The following BTAF1 variants were observed in gnomAD, a reference collection of about 807,000 sequenced individuals.
BTAF1 encodes TATA-binding protein-associated factor 172.
Under a neutral mutation model 227.1 loss-of-function variants are expected in BTAF1, and 38 were observed. That is an observed-to-expected ratio of 0.17 (90% CI 0.13 to 0.22). The LOEUF is 0.22. Ranked by LOEUF, BTAF1 falls within the 10% of genes least tolerant of loss-of-function variation. The pLI, the probability that BTAF1 is intolerant of heterozygous loss-of-function variation, is 1.00. For synonymous variants in BTAF1, 742 were observed against 751.9 expected (o/e 0.99, Z 0.21); for missense variants, 1,598 against 2,204.0 (o/e 0.73, Z 5.51).
At chr10:92,026,814 A>T in intron 36 of BTAF1, 63 bp downstream of exon 36, 1 of 1,519,734 alleles carries the variant, frequency 6.6e-7, no homozygotes, top group East Asian at 2.3e-5. Context: ...CCCCAGAAAG[A>T]TAGGAAACCT....
intron 25 of BTAF1, among the ~76,000 whole-genome samples, chr10:92,000,403 G>A (rs1212500024): frequency 6.6e-6 from 1 of 152,200 alleles, no homozygotes; most frequent in East Asian, 1.9e-4. Context: ...TCTAACAGCT[G>A]AAAGTAGTAT....
chr10:91,936,720 G>A (rs1844638901), intron 2 of BTAF1, among the ~76,000 whole-genome samples: 1 of 152,218 alleles, frequency 6.6e-6, no homozygotes. Context: ...CAGTATTCGT[G>A]TGTAAGTTGG....
chr10:91,977,323 A>G (rs1026063874), intron 14 of BTAF1, among the ~76,000 whole-genome samples: 6 of 152,172 alleles, frequency 3.9e-5, no homozygotes, highest in African/African-American at 1.4e-4. Context: ...AGAATGTCAT[A>G]TAGTTGGAAT....
intron 12 of BTAF1, among the ~76,000 whole-genome samples, chr10:91,963,776 C>T (rs1215693743): frequency 6.6e-6 from 1 of 152,110 alleles, no homozygotes; most frequent in Admixed American, 6.5e-5. Flanking sequence ...CTGTTGTTTT[C>T]ACTGTTAAGT....
chr10:91,995,295 AG>A (rs1341442601), intron 23 of BTAF1, among the ~76,000 whole-genome samples: 3 of 152,124 alleles, frequency 2.0e-5, no homozygotes, highest in African/African-American at 7.2e-5. Flanking sequence ...AATCTATGAG[AG>A]GGTGGAGAAG....
rs12569736 is a variant in BTAF1, at chr10:91,942,216, T to A, written c.254-206T>A. 0.3 allele frequency among the ~76,000 whole-genome samples: 45,852 copies of A among 151,704 alleles called. 8,521 individuals are homozygous for A. Among genetic ancestry groups the A allele is most frequent in the South Asian group, 0.52 (2,486 of 4,806 alleles). ...GAAGAAGTCCTTGATCCCAGGAGTT[T>A]GAGGATACAGTGAGCTGTGATTATG... On this transcript the variant is annotated intron_variant, in intron 3 of 37. Coordinates refer to ENST00000265990, the MANE Select transcript of BTAF1 (RefSeq NM_003972.3).
chr10:91,946,480 CTG>C (rs780667176), intron 4 of BTAF1, among the ~76,000 whole-genome samples: 5 of 152,194 alleles, frequency 3.3e-5, no homozygotes, highest in Non-Finnish European at 7.3e-5. Context: ...CATATGGTAA[CTG>C]TATTTTACCA....
intron 14 of BTAF1, among the ~76,000 whole-genome samples, chr10:91,979,399 C>A (rs1487235484): frequency 1.3e-5 from 2 of 152,012 alleles, no homozygotes; most frequent in African/African-American, 2.4e-5. Flanking sequence ...GTCATGTGGC[C>A]CTTTTAAAAC....
Position 91,960,149 on chromosome 10 carries a change from C to G in BTAF1, c.1258C>G (p.Arg420Gly). 6.2e-7 allele frequency: 1 copy of G among 1,610,796 alleles called. No homozygotes were observed. Among genetic ancestry groups the G allele is most frequent in the Non-Finnish European group, 8.5e-7 (1 of 1,178,612 alleles). ...LLGIKYALAV[R>G]QDVINTLLPK... ...GGGAATAAAATATGCTTTGGCAGTC[C>G]GTCAGGTAAATATTTCAAGTTTTGA... The change falls in exon 11 of 38, where the codon CGT (arginine) becomes GGT (glycine). Residue 420 changes from arginine (R) to glycine (G), a missense_variant. Physicochemically the swap from Arg to Gly is moderately radical, Grantham distance 125. Transcript: ENST00000265990.
chr10:91,980,537 A>G lies in BTAF1; in HGVS notation c.1734A>G (p.Glu578=), dbSNP rs1847988155. The change falls in exon 15 of 38, where the codon GAA becomes GAG. Residue 578 remains glutamate, a synonymous_variant. Coordinates refer to ENST00000265990, the MANE Select transcript of BTAF1 (RefSeq NM_003972.3). ...FQFCVLESSQ[E]ILDLIHKVWM... ...TCTGTGTTTTGGAAAGCAGCCAGGA[A>G]ATTCTGGACCTTATTCACAAGGTAC... 1.2e-6 allele frequency: 2 copies of G among 1,611,856 alleles called. No individual in the cohort carries two copies. Among genetic ancestry groups the G allele is most frequent in the African/African-American group, 2.7e-5 (2 of 74,842 alleles).
chr10:92,011,436 T>A, intron 30 of BTAF1, 21 bp downstream of exon 30: 1 of 1,092,706 alleles, frequency 9.2e-7, no homozygotes, highest in Non-Finnish European at 1.2e-6. Context: ...ATTATTATTT[T>A]TTTTAATTAT....
intron 25 of BTAF1, among the ~76,000 whole-genome samples, chr10:92,005,742 C>A (rs1849833271): frequency 6.6e-6 from 1 of 152,008 alleles, no homozygotes; most frequent in East Asian, 1.9e-4. Flanking sequence ...AAATAACAAA[C>A]CTACATGTTA....
chr10:91,971,720 C>T (rs2792018), intron 14 of BTAF1, among the ~76,000 whole-genome samples: 45,844 of 151,944 alleles, frequency 0.3, 8,490 homozygotes, highest in South Asian at 0.52. Flanking sequence ...GATCCACCTG[C>T]CTCGGCCTCC....
At chr10:92,027,039 A>G (rs887749796) in intron 36 of BTAF1, 91 bp from the exon 37 acceptor site, 35 of 1,338,988 alleles carry the variant, frequency 2.6e-5, no homozygotes, top group Non-Finnish European at 3.5e-5. Flanking sequence ...ATTAGGTAGT[A>G]TAAAATAGTA....
chr10:91,984,160 TGTTCATACA>T, intron 18 of BTAF1, 32 bp from the exon 19 acceptor site: 1 of 1,550,784 alleles, frequency 6.4e-7, no homozygotes, highest in Non-Finnish European at 8.9e-7. Flanking sequence ...ATAAAGTTAA[TGTTCATACA>T]GTTACCCTAT....
In BTAF1 at chr10:91,989,140, T is replaced by A. The variant is rs752346271; in HGVS notation, c.2428-14T>A. The A allele has an allele frequency of 6.3e-7, 1 of 1,581,068 alleles. No homozygotes were observed. The highest frequency in any genetic ancestry group is 2.2e-5 in the East Asian group (1 of 44,550). ...ATATGATTAATGATTTTTAATTTCT[T>A]TTTTTTTTAATAGGTCACTACTGTT... On this transcript the variant is annotated splice_polypyrimidine_tract_variant and intron_variant, in intron 19 of 37. Transcript: ENST00000265990.
chr10:92,022,286 A>T (rs896831932), intron 34 of BTAF1, among the ~76,000 whole-genome samples: 13 of 152,230 alleles, frequency 8.5e-5, no homozygotes, highest in Non-Finnish European at 1.8e-4. Context: ...TCTTAATATA[A>T]CTGGTTATCT....
chr10:91,965,379 T>C (rs1846831873), intron 13 of BTAF1, among the ~76,000 whole-genome samples: 1 of 152,172 alleles, frequency 6.6e-6, no homozygotes, highest in Non-Finnish European at 1.5e-5. Context: ...TCAAAACTAC[T>C]AAGCTGTCAC....
intron 21 of BTAF1, among the ~76,000 whole-genome samples, chr10:91,993,143 C>A (rs2134033277): frequency 6.6e-6 from 1 of 152,164 alleles, no homozygotes; most frequent in African/African-American, 2.4e-5. Context: ...AAAAATTTTA[C>A]TGTGATTTTG....
Sources: allele counts gnomAD v4.1 joint callset (sites outside exome capture counted in the v4.1 genomes callset), GRCh38; gene constraint gnomAD v4.1.1; transcripts MANE v1.5; gene names NCBI Gene and HGNC (gene_info 2026-07-23, HGNC 2026-07-21).